Variants in RDX observed in about 807,000 individuals in gnomAD.
The protein encoded by RDX is radixin.
In RDX, 32 loss-of-function variants were observed where a neutral mutation model predicts 83.7. The ratio of observed to expected loss-of-function variants is 0.38; its 90% CI spans 0.29 to 0.51. The LOEUF (loss-of-function observed/expected upper bound fraction) is 0.51. Ranked by LOEUF, RDX falls within the 20% of genes least tolerant of loss-of-function variation. RDX has a pLI of 0.87. For missense variants in RDX, 600 were observed against 689.9 expected (o/e 0.87, Z 1.46); for synonymous variants, 229 against 222.7 (o/e 1.03, Z -0.25).
chr11:110,179,554 C>T (rs975645738), intron 15 of RDX, among the ~76,000 whole-genome samples: 3 of 152,196 alleles, frequency 2.0e-5, no homozygotes, highest in African/African-American at 7.2e-5. Context: ...GGGCATATCA[C>T]CTGAGGTTGG....
At chr11:110,290,511 G>GA (rs112346277) in intron 1 of RDX, among the ~76,000 whole-genome samples, 57,920 of 142,626 alleles carry the variant, frequency 0.41, 11,201 homozygotes, top group East Asian at 0.52. Flanking sequence ...GTCTCAAAAA[G>GA]AAAAAAAAAA....
intron 3 of RDX, among the ~76,000 whole-genome samples, chr11:110,265,787 G>A (rs965643105): frequency 6.6e-6 from 1 of 151,960 alleles, no homozygotes; most frequent in Non-Finnish European, 1.5e-5. Flanking sequence ...CTCAACTAAC[G>A]TGCCTTCTGT....
At chr11:110,238,803 A>G (rs932498309) in intron 10 of RDX, among the ~76,000 whole-genome samples, 5 of 151,996 alleles carry the variant, frequency 3.3e-5, no homozygotes, top group Non-Finnish European at 7.4e-5. Context: ...GGGCGCCTGT[A>G]ATCTCAGCTA....
intron 9 of RDX, among the ~76,000 whole-genome samples, chr11:110,253,473 T>G (rs531296317): frequency 2.0e-5 from 3 of 152,278 alleles, no homozygotes; most frequent in African/African-American, 7.2e-5. Flanking sequence ...TTTAACAGTT[T>G]CTTTTTTAAG....
intron 5 of RDX, among the ~76,000 whole-genome samples, chr11:110,259,045 G>A (rs1477367632): frequency 2.0e-5 from 3 of 151,910 alleles, no homozygotes; most frequent in Admixed American, 2.0e-4. Flanking sequence ...GGCCTCCCGC[G>A]TAGCTGGGAT....
At position 110,253,454 on chromosome 11, in the gene RDX, T is replaced by A. The variant is rs73555748; in HGVS notation, c.959+492A>T. Reference sequence around the variant, plus strand: ...ACCATTCAATTTTAAAAATTATCAATTTAATATATTTAACAGTTTCTTTTT... The same window carrying A: ...ACCATTCAATTTTAAAAATTATCAAATTAATATATTTAACAGTTTCTTTTT... On this transcript the variant is annotated intron_variant, in intron 9 of 13. Transcript: ENST00000645495. Among the ~76,000 whole-genome samples, 297 of 152,256 alleles carry A rather than the reference T, an allele frequency of 2.0e-3. 1 individual carries two copies. The highest frequency in any genetic ancestry group is 6.9e-3 in the African/African-American group (286 of 41,534).
Position 110,263,909 on chromosome 11 carries a change from T to G in RDX, c.467+51A>C, listed in dbSNP as rs1193446169. Reference sequence around the variant, plus strand: ...CCTGAAAAACGTTTTATTTATAGACTTCTAGAATACAATTTTCAGACAATA... The same window carrying G: ...CCTGAAAAACGTTTTATTTATAGACGTCTAGAATACAATTTTCAGACAATA... On this transcript the variant is annotated intron_variant, in intron 5 of 13. Transcript: ENST00000645495. The G allele has an allele frequency of 1.9e-6, 3 of 1,539,354 alleles. No homozygotes were observed. The South Asian group carries it at 3.4e-5, about 18-fold the overall frequency.
At chr11:110,275,516 C>G (rs114299610) in intron 2 of RDX, among the ~76,000 whole-genome samples, 3,179 of 152,218 alleles carry the variant, frequency 0.021, 67 homozygotes, top group Admixed American at 0.065. Flanking sequence ...TAGTACAATA[C>G]GTTTAACTGA....
chr11:110,257,663 A>T, intron 7 of RDX, 104 bp downstream of exon 7: 1 of 1,142,262 alleles, frequency 8.8e-7, no homozygotes, highest in Non-Finnish European at 1.3e-6. Flanking sequence ...TGAAAATAGT[A>T]AGGGTAATCA....
chr11:110,182,538 T>A (rs1414182265), intron 15 of RDX, among the ~76,000 whole-genome samples: 2 of 151,864 alleles, frequency 1.3e-5, no homozygotes, highest in Admixed American at 1.3e-4. Flanking sequence ...GAGATGGAGG[T>A]TGCAGTGAGC....
At chr11:110,215,407 A>G (rs1335963393) in intron 14 of RDX, among the ~76,000 whole-genome samples, 2 of 150,574 alleles carry the variant, frequency 1.3e-5, no homozygotes, top group Non-Finnish European at 3.0e-5. Context: ...TAAATAAATA[A>G]ATAAAATAAT....
At chr11:110,260,481 G>A (rs764535276) in intron 5 of RDX, among the ~76,000 whole-genome samples, 14 of 151,914 alleles carry the variant, frequency 9.2e-5, no homozygotes, top group South Asian at 2.1e-4. Flanking sequence ...TCGCTCTGTC[G>A]CCCAGGCTGG....
At chr11:110,241,998 A>T (rs988510695) in intron 10 of RDX, among the ~76,000 whole-genome samples, 1 of 152,122 alleles carries the variant, frequency 6.6e-6, no homozygotes, top group African/African-American at 2.4e-5. Context: ...AAAAAGTAGA[A>T]TGATGGTTGC....
intron 14 of RDX, among the ~76,000 whole-genome samples, chr11:110,200,120 T>TA (rs1301934013): frequency 3.9e-5 from 6 of 152,214 alleles, no homozygotes; most frequent in African/African-American, 1.2e-4. Context: ...GAGGCATTGT[T>TA]AAAGTTATTT....
chr11:110,275,263 G>T (rs1287382249), intron 2 of RDX, among the ~76,000 whole-genome samples: 5 of 152,164 alleles, frequency 3.3e-5, no homozygotes, highest in Admixed American at 3.3e-4. Flanking sequence ...TTTTGCAGAA[G>T]TACTTAAGAT....
At chr11:110,217,915 T>G (rs1162023074) in intron 14 of RDX, among the ~76,000 whole-genome samples, 2 of 152,248 alleles carry the variant, frequency 1.3e-5, no homozygotes, top group Non-Finnish European at 2.9e-5. Flanking sequence ...CTAGATGTTT[T>G]AAATTATTTA....
intron 15 of RDX, chr11:110,195,605 A>AT (rs1863188895): frequency 6.6e-6 from 1 of 152,236 alleles, no homozygotes; most frequent in Non-Finnish European, 1.5e-5. Context: ...ACAATTATAC[A>AT]AACAGCCCAG....
rs140180881 is a variant in RDX at position 110,233,320 on chromosome 11, T to A, written c.1504A>T (p.Asn502Tyr). The A allele has an allele frequency of 1.3e-5, 21 of 1,614,068 alleles. No homozygotes were observed. The South Asian group carries it at 2.0e-4, about 15-fold the overall frequency. Residue 502 changes from asparagine (N) to tyrosine (Y), a missense_variant, in exon 13 of 14, where the codon AAT becomes TAT. Physicochemically the swap from Asn to Tyr is moderately radical, Grantham distance 143. Transcript: ENST00000645495. ...NNAEASAELS[N>Y]EGVMNHRSEE... ...CTTCTATGGTTCATTACCCCTTCAT[T>A]TGATAATTCAGCACTAGCTTCAGCA... is the stretch of plus-strand genomic sequence containing the variant.
chr11:110,271,648 T>A (rs1273031566), intron 3 of RDX, among the ~76,000 whole-genome samples: 1 of 152,062 alleles, frequency 6.6e-6, no homozygotes, highest in Non-Finnish European at 1.5e-5. Context: ...CCAAGCACTG[T>A]CTCCTTTCCC....
Sources: gnomAD v4.1 joint callset for allele counts (sites outside exome capture counted in the v4.1 genomes callset) on GRCh38, gnomAD v4.1.1 for gene constraint, MANE v1.5 for transcripts, NCBI Gene and HGNC (gene_info 2026-07-23, HGNC 2026-07-21) for gene names.